The following PPM1H variants were observed in gnomAD, a reference collection of about 807,000 sequenced individuals.
PPM1H encodes protein phosphatase 1H.
Under a neutral mutation model 54.9 loss-of-function variants are expected in PPM1H, and 27 were observed. The observed-to-expected ratio is 0.49, with a 90% confidence interval of 0.36 to 0.68. The LOEUF (loss-of-function observed/expected upper bound fraction) is 0.68, where lower values mean the gene tolerates loss of function less well. Ranked by LOEUF, PPM1H falls within the 30% of genes least tolerant of loss-of-function variation. The pLI is 0.00. For missense variants in PPM1H, 596 were observed against 667.8 expected (o/e 0.89, Z 1.19); for synonymous variants, 305 against 270.8 (o/e 1.13, Z -1.24).
chr12:62,894,731 T>G (rs1870920675), intron 1 of PPM1H, among the ~76,000 whole-genome samples: 1 of 152,226 alleles, frequency 6.6e-6, no homozygotes, highest in Non-Finnish European at 1.5e-5. Context: ...TTTGAAAGGC[T>G]TATTCATAAG....
At chr12:62,727,202 G>A (rs75936962) in intron 5 of PPM1H, among the ~76,000 whole-genome samples, 1,645 of 152,046 alleles carry the variant, frequency 0.011, 30 homozygotes, top group East Asian at 0.088. Flanking sequence ...CACCATGCCC[G>A]GCCATGTGTC....
chr12:62,848,224 C>T (rs1210724923), intron 1 of PPM1H, among the ~76,000 whole-genome samples: 1 of 152,144 alleles, frequency 6.6e-6, no homozygotes, highest in Non-Finnish European at 1.5e-5. Context: ...AAAATTCTTA[C>T]ATCCTACATT....
intron 9 of PPM1H, among the ~76,000 whole-genome samples, chr12:62,660,672 C>T (rs1240768388): frequency 6.6e-6 from 1 of 152,110 alleles, no homozygotes; most frequent in East Asian, 1.9e-4. Flanking sequence ...TGTCTCTCAC[C>T]ATATACAAAA....
At chr12:62,845,365 A>AT (rs1868924405) in intron 1 of PPM1H, among the ~76,000 whole-genome samples, 1 of 152,186 alleles carries the variant, frequency 6.6e-6, no homozygotes, top group Non-Finnish European at 1.5e-5. Context: ...TGTTGAGCCT[A>AT]TACCTCCATC....
intron 1 of PPM1H, among the ~76,000 whole-genome samples, chr12:62,903,625 A>C (rs1329488366): frequency 6.6e-6 from 1 of 151,932 alleles, no homozygotes; most frequent in African/African-American, 2.4e-5. Context: ...CCCACCGCCA[A>C]TTCCTTCAAT....
intron 1 of PPM1H, among the ~76,000 whole-genome samples, chr12:62,873,824 T>C (rs1430247091): frequency 6.6e-6 from 1 of 152,180 alleles, no homozygotes; most frequent in Non-Finnish European, 1.5e-5. Context: ...AATTACAAAT[T>C]ACGATAATTG....
At chr12:62,907,408 A>C (rs1161683156) in intron 1 of PPM1H, among the ~76,000 whole-genome samples, 1 of 152,126 alleles carries the variant, frequency 6.6e-6, no homozygotes, top group African/African-American at 2.4e-5. Flanking sequence ...GTGCAGTTTG[A>C]GTGTTCAGAC....
intron 6 of PPM1H, among the ~76,000 whole-genome samples, chr12:62,716,595 T>C (rs1199590530): frequency 1.3e-5 from 2 of 152,220 alleles, no homozygotes; most frequent in African/African-American, 4.8e-5. Context: ...GGCATAACCA[T>C]GGCTTGCTGC....
chr12:62,895,514 C>A (rs147577194), intron 1 of PPM1H, among the ~76,000 whole-genome samples: 1 of 151,768 alleles, frequency 6.6e-6, no homozygotes, highest in African/African-American at 2.4e-5. Flanking sequence ...CCTACTGCTA[C>A]GGTTTGCATA....
intron 6 of PPM1H, among the ~76,000 whole-genome samples, chr12:62,699,027 A>C (rs961628147): frequency 7.9e-5 from 12 of 152,154 alleles, no homozygotes; most frequent in African/African-American, 2.9e-4. Context: ...TCACTGAAAA[A>C]ATTGCTAAGT....
chr12:62,733,420 G>A (rs12302158), intron 5 of PPM1H, among the ~76,000 whole-genome samples: 2,227 of 152,062 alleles, frequency 0.015, 55 homozygotes, highest in African/African-American at 0.051. Context: ...ATACCCAGCT[G>A]ATTTTTTTTG....
intron 4 of PPM1H, chr12:62,755,821 C>T: frequency 1.2e-6 from 1 of 833,406 alleles, no homozygotes; most frequent in Admixed American, 1.8e-5. Flanking sequence ...TGTGGTGTGA[C>T]AGCCACGGCG....
chr12:62,737,087 C>A (rs2076353501), intron 5 of PPM1H, among the ~76,000 whole-genome samples: 1 of 152,036 alleles, frequency 6.6e-6, no homozygotes, highest in South Asian at 2.1e-4. Flanking sequence ...AGAGCTGCCA[C>A]GTGGGCAGAT....
intron 1 of PPM1H, among the ~76,000 whole-genome samples, chr12:62,928,760 A>T (rs565076135): frequency 6.6e-6 from 1 of 152,336 alleles, no homozygotes; most frequent in African/African-American, 2.4e-5. Flanking sequence ...TTCAGCAAGA[A>T]TCCTGCTAGG....
At chr12:62,845,678 C>T (rs999248973) in intron 1 of PPM1H, among the ~76,000 whole-genome samples, 4 of 152,102 alleles carry the variant, frequency 2.6e-5, no homozygotes, top group Non-Finnish European at 4.4e-5. Flanking sequence ...CCTGGGAGAT[C>T]GTCTCTATTC....
intron 3 of PPM1H, among the ~76,000 whole-genome samples, chr12:62,801,549 T>C (rs2076769528): frequency 6.6e-6 from 1 of 152,182 alleles, no homozygotes; most frequent in Admixed American, 6.5e-5. Context: ...ACTCCTGACC[T>C]CCTGCCTCGG....
intron 1 of PPM1H, among the ~76,000 whole-genome samples, chr12:62,890,199 G>A (rs1870734156): frequency 6.6e-6 from 1 of 152,198 alleles, no homozygotes; most frequent in Non-Finnish European, 1.5e-5. Context: ...GGTGGCTCAT[G>A]CCTGTAATCC....
At chr12:62,655,498 G>T (rs2075838990) in intron 9 of PPM1H, among the ~76,000 whole-genome samples, 1 of 152,176 alleles carries the variant, frequency 6.6e-6, no homozygotes, top group African/African-American at 2.4e-5. Flanking sequence ...AAACAGGAAG[G>T]CTTTATTGGT....
chr12:62,694,437 C>T (rs2076102432), intron 6 of PPM1H, among the ~76,000 whole-genome samples: 1 of 152,110 alleles, frequency 6.6e-6, no homozygotes, highest in African/African-American at 2.4e-5. Flanking sequence ...ATTGGGATGG[C>T]TAGGGAAGAA....
Sources: gnomAD v4.1 joint callset for allele counts (sites outside exome capture counted in the v4.1 genomes callset) on GRCh38, gnomAD v4.1.1 for gene constraint, MANE v1.5 for transcripts, NCBI Gene and HGNC (gene_info 2026-07-23, HGNC 2026-07-21) for gene names.